The following SPNS2 variants were observed in gnomAD, a reference collection of about 807,000 sequenced individuals.
The protein encoded by SPNS2 is sphingosine-1-phosphate transporter SPNS2.
SPNS2 carries 37 observed loss-of-function variants against 57.6 expected under a neutral mutation model. The ratio of observed to expected loss-of-function variants is 0.64; its 90% confidence interval spans 0.49 to 0.85. The LOEUF (loss-of-function observed/expected upper bound fraction) is 0.85, where lower values mean the gene tolerates loss of function less well. SPNS2 is among the 40% of genes least tolerant of loss of function. SPNS2 has a pLI of 0.00. For synonymous variants in SPNS2, 440 were observed against 346.9 expected, an observed-to-expected ratio of 1.27 and a Z score of -2.98; for missense variants, 831 against 779.1, an observed-to-expected ratio of 1.07 and a Z score of -0.79.
Position 4,533,443 on chromosome 17 carries a change from C to T in SPNS2, c.1278+11C>T, listed in dbSNP as rs759950498. 15 of 1,584,888 alleles carry T rather than the reference C, an allele frequency of 9.5e-6. No homozygotes were observed. The highest frequency in any genetic ancestry group is 2.7e-5 in the African/African-American group (2 of 74,266). On this transcript the variant is annotated intron_variant, in intron 8 of 12. Transcript: ENST00000329078. The stretch of plus-strand genomic sequence containing the variant: ...ATCGTAGGAGCCTATGTGAGTGCAG[C>T]GGGGGTCAAGGGTGCTGGGGGAGCT...
At position 4,536,286 on chromosome 17, in the gene SPNS2, C is replaced by A. The variant is rs754144328; in HGVS notation, c.1467C>A (p.Ser489Arg). The A allele has an allele frequency of 3.1e-6, 5 of 1,612,532 alleles. No individual in the cohort carries two copies. Among genetic ancestry groups the A allele is most frequent in the African/African-American group, 1.3e-5 (1 of 74,922 alleles). Residue 489 changes from serine (S) to arginine (R), a missense_variant, in exon 11 of 13, where the codon AGC becomes AGA. Ser to Arg is a moderately radical substitution (Grantham distance 110). Around this residue, in one of 2 missense-constraint regions of SPNS2, gnomAD observed 526 missense variants for 400.9 expected, o/e 1.31. Coordinates refer to ENST00000329078, the MANE Select transcript of SPNS2 (RefSeq NM_001124758.3). ...IGFISDLIRQ[S>R]TKDSPLWEFL... ...AGATCTCAGACCTGATCCGCCAGAG[C>A]ACTAAGGACTCCCCGCTCTGGGAGT...
At chr17:4,530,123 G>T (rs1905399720) in intron 3 of SPNS2, among the ~76,000 whole-genome samples, 1 of 151,818 alleles carries the variant, frequency 6.6e-6, no homozygotes, top group Admixed American at 6.5e-5. Context: ...AGGGGGAGGG[G>T]CTCTGGGTCC....
At chr17:4,527,669 A>C (rs1051151373) in intron 3 of SPNS2, among the ~76,000 whole-genome samples, 14 of 152,298 alleles carry the variant, frequency 9.2e-5, no homozygotes, top group African/African-American at 3.4e-4. Flanking sequence ...GTAACCAGGG[A>C]AATGCAAATT....
intron 2 of SPNS2, among the ~76,000 whole-genome samples, chr17:4,521,387 A>T (rs55818133): frequency 0.21 from 31,642 of 152,192 alleles, 3,636 homozygotes; most frequent in South Asian, 0.36. Flanking sequence ...TCTTTTTCTA[A>T]ATGTGAGGAA....
In SPNS2 at chr17:4,538,184, G is replaced by A. The variant is rs560074226; in HGVS notation, c.*736G>A. 1.2e-5 allele frequency: 3 copies of A among 244,830 alleles called. No homozygotes were observed. The South Asian group carries it at 1.6e-4, about 13-fold the overall frequency. 15.2% of individuals were successfully genotyped at this position (244,830 alleles called of 1,614,324 possible). A position where few individuals can be genotyped will look rare whatever the true frequency, so the allele number is the denominator to read the frequency against. The stretch of plus-strand genomic sequence containing the variant: ...AGCTGTACACCACCTGTGCCCCCAG[G>A]CTCAAGGTCTCTGGCAGGTGCACAC... On this transcript the variant is annotated 3_prime_UTR_variant, in exon 13 of 13. Transcript: ENST00000329078.
Position 4,536,894 on chromosome 17 carries a change from C to T in SPNS2, c.1608-6C>T, listed in dbSNP as rs1905859423. 2.5e-6 allele frequency: 4 copies of T among 1,613,360 alleles called. No individual in the cohort carries two copies. In the Admixed American group the frequency reaches 5.0e-5, roughly 20 times the overall value. On this transcript the variant is annotated splice_polypyrimidine_tract_variant and splice_region_variant and intron_variant, in intron 11 of 12. Transcript: ENST00000329078. ...CCACCCTGACCCCCGCCCGTCTCTC[C>T]CCCAGGGTGAACCAGCTGGCGATGC...
In SPNS2 at chr17:4,536,395, T is replaced by G; in HGVS notation, c.1576T>G (p.Phe526Val). ...GMFFLATALF[F>V]VSDRARAEQQ... ...GTTCTTCCTCGCCACTGCGCTCTTC[T>G]TCGTCAGCGACCGCGCCAGGGCTGA... is the stretch of plus-strand genomic sequence containing the variant. Residue 526 changes from phenylalanine (F) to valine (V), a missense_variant, in exon 11 of 13, where the codon TTC (phenylalanine) becomes GTC (valine). Physicochemically the swap from Phe to Val is conservative, Grantham distance 50 (BLOSUM62 -1). Coordinates refer to ENST00000329078, the MANE Select transcript of SPNS2 (RefSeq NM_001124758.3). The G allele has an allele frequency of 6.2e-7, 1 of 1,605,616 alleles. No individual in the cohort carries two copies. The highest frequency in any genetic ancestry group is 1.7e-4 in the Middle Eastern group (1 of 6,054).
Position 4,504,709 on chromosome 17 carries a change from C to T in SPNS2, c.370+5292C>T, listed in dbSNP as rs78530440. 3.3e-3 allele frequency among the ~76,000 whole-genome samples: 501 copies of T among 152,262 alleles called. 4 individuals carry two copies. The highest frequency in any genetic ancestry group is 0.012 in the African/African-American group (479 of 41,534). On this transcript the variant is annotated intron_variant, in intron 1 of 12. Transcript: ENST00000329078. ...GTGAGGGAGTCCAGGAGAACACTGG[C>T]CCGATCCCTAGGCTTCTGGGGCTGG...
Position 4,529,631 on chromosome 17 carries a change from A to G in SPNS2, c.574-1001A>G, listed in dbSNP as rs149251285. On this transcript the variant is annotated intron_variant, in intron 3 of 12. Coordinates refer to ENST00000329078, the MANE Select transcript of SPNS2 (RefSeq NM_001124758.3). Reference sequence around the variant, plus strand: ...AGGTTGCAGTGAGTGAGATCGCGCCACTGCACTCCAGCCTGAGTGACAGAG... The same window carrying G: ...AGGTTGCAGTGAGTGAGATCGCGCCGCTGCACTCCAGCCTGAGTGACAGAG... Among the ~76,000 whole-genome samples the G allele has an allele frequency of 5.7e-3, 873 of 152,174 alleles. 1 individual carries two copies. Among genetic ancestry groups the G allele is most frequent in the Non-Finnish European group, 9.9e-3 (670 of 67,988 alleles).
At chr17:4,502,411 CAT>C (rs1904546150) in intron 1 of SPNS2, among the ~76,000 whole-genome samples, 2 of 151,446 alleles carry the variant, frequency 1.3e-5, no homozygotes, top group Admixed American at 6.6e-5. Context: ...CACACACACA[CAT>C]ATGTATGTTG....
At chr17:4,532,840 TCCTGCAGCCTGAACCCTCACC>T (rs1905555688) in intron 6 of SPNS2, 116 bp from the exon 7 acceptor site, 1 of 1,459,902 alleles carries the variant, frequency 6.8e-7, no homozygotes, top group African/African-American at 1.4e-5. Context: ...AATCGATTAT[TCCTGCAGCCTGAACCCTCACC>T]CCTGGAGCCT....
chr17:4,536,697 T>G (rs552641647), intron 11 of SPNS2: 33 of 633,208 alleles, frequency 5.2e-5, no homozygotes, highest in Non-Finnish European at 8.6e-5. Context: ...TTCCTCTTAC[T>G]TTCTGACTTC....
In SPNS2 at chr17:4,538,666, G is replaced by GA. The variant is rs1868811836; in HGVS notation, c.*1219dup. ...GGGTGAGGCCTTGTGGCCAATGGGG[G>GA]ACCCCCCAAGAGCCAGCTTGGACAA... On this transcript the variant is annotated 3_prime_UTR_variant, in exon 13 of 13. Coordinates refer to ENST00000329078, the MANE Select transcript of SPNS2 (RefSeq NM_001124758.3). 3 of 532,306 alleles carry GA rather than the reference G, an allele frequency of 5.6e-6. No individual in the cohort carries two copies. In the East Asian group the frequency reaches 1.0e-4, roughly 18 times the overall value. 33.0% of individuals were successfully genotyped at this position (532,306 alleles called of 1,614,324 possible).
chr17:4,536,875 T>C (rs770576813), intron 11 of SPNS2, 25 bp from the exon 12 acceptor site: 6 of 1,611,548 alleles, frequency 3.7e-6, no homozygotes, highest in South Asian at 1.1e-5. Context: ...TGCACCACCC[T>C]GACCCCCGCC....
chr17:4,516,344 C>CAAACAA (rs370793139), intron 2 of SPNS2, among the ~76,000 whole-genome samples: 1 of 34,426 alleles, frequency 2.9e-5, no homozygotes. Flanking sequence ...AAAAAAAAAA[C>CAAACAA]AAAAAAACCG....
chr17:4,536,937 GTC>G lies in SPNS2; in HGVS notation c.1647_1648del (p.Ter550ArgfsTer164). The G allele has an allele frequency of 6.2e-7, 1 of 1,613,808 alleles. No individual in the cohort carries two copies. On this transcript the variant is annotated frameshift_variant, in exon 12 of 13. Coordinates refer to ENST00000329078, the MANE Select transcript of SPNS2 (RefSeq NM_001124758.3). LOFTEE classifies it high-confidence loss of function. ...GGCGATGCCGCCCGCATCTGTGAAA[GTC>G]TGAGGTGGTGAGTGCAGGCCGGGAG... ...QLAMPPASVK[V>X]
chr17:4,531,872 G>A (rs1391418152), intron 5 of SPNS2, among the ~76,000 whole-genome samples: 3 of 152,118 alleles, frequency 2.0e-5, no homozygotes, highest in African/African-American at 4.8e-5. Context: ...CTGGAAAATG[G>A]GCTGGAAACG....
intron 6 of SPNS2, 101 bp downstream of exon 6, chr17:4,532,785 C>T (rs551740401): frequency 2.7e-6 from 4 of 1,479,598 alleles, no homozygotes; most frequent in Middle Eastern, 2.3e-4. Flanking sequence ...AGCCAGACAC[C>T]CCACCTCTGC....
At chr17:4,523,799 G>A (rs1406753925) in intron 2 of SPNS2, among the ~76,000 whole-genome samples, 2 of 152,162 alleles carry the variant, frequency 1.3e-5, no homozygotes, top group Non-Finnish European at 2.9e-5. Context: ...CCAAGCTCCT[G>A]TTTCAGCCCC....
Sources: allele counts gnomAD v4.1 joint callset (sites outside exome capture counted in the v4.1 genomes callset), GRCh38; gene constraint gnomAD v4.1.1; regional missense constraint gnomAD v4.1.1; transcripts MANE v1.5; gene names NCBI Gene and HGNC (gene_info 2026-07-23, HGNC 2026-07-21).